Variants in FOXP2 observed in about 807,000 individuals in gnomAD.
FOXP2 encodes the protein forkhead box protein P2.
Under a neutral mutation model 115.8 loss-of-function variants are expected in FOXP2, and 12 were observed. The ratio of observed to expected loss-of-function variants is 0.10; its 90% CI spans 0.07 to 0.17. The LOEUF (loss-of-function observed/expected upper bound fraction) is 0.17. Among genes scored for constraint, FOXP2 ranks in the 10% least tolerant of loss-of-function variants. FOXP2 has a pLI of 1.00. For missense variants in FOXP2, 629 were observed against 843.5 expected (o/e 0.75, Z 3.15); for synonymous variants, 328 against 297.7 (o/e 1.10, Z -1.05).
intron 3 of FOXP2, among the ~76,000 whole-genome samples, chr7:114,581,909 T>C (rs1179100435): frequency 2.0e-5 from 3 of 152,120 alleles, no homozygotes; most frequent in Non-Finnish European, 4.4e-5. Context: ...GGCAAGAGTG[T>C]TTTCAATAGA....
chr7:114,167,414 T>C (rs1053855809), intron 1 of FOXP2, among the ~76,000 whole-genome samples: 4 of 152,192 alleles, frequency 2.6e-5, no homozygotes, highest in Non-Finnish European at 4.4e-5. Flanking sequence ...GCAGATACTA[T>C]GTTTTTTTAC....
At chr7:114,103,348 CTG>C (rs1246769703) in intron 1 of FOXP2, among the ~76,000 whole-genome samples, 1 of 152,030 alleles carries the variant, frequency 6.6e-6, no homozygotes, top group Non-Finnish European at 1.5e-5. Context: ...AGGTTTTCTT[CTG>C]TGTCTTTGGG....
At chr7:114,370,469 G>T (rs1791977431) in intron 2 of FOXP2, among the ~76,000 whole-genome samples, 1 of 152,202 alleles carries the variant, frequency 6.6e-6, no homozygotes, top group African/African-American at 2.4e-5. Flanking sequence ...TTATGTAATT[G>T]ATGTCTGGTG....
intron 16 of FOXP2, among the ~76,000 whole-genome samples, chr7:114,680,949 G>A (rs1472700982): frequency 6.6e-6 from 1 of 152,106 alleles, no homozygotes; most frequent in Non-Finnish European, 1.5e-5. Context: ...TTACTTTACT[G>A]TCTTTAATGA....
chr7:114,520,366 T>A (rs1194172661), intron 2 of FOXP2, among the ~76,000 whole-genome samples: 2 of 152,118 alleles, frequency 1.3e-5, no homozygotes, highest in African/African-American at 4.8e-5. Flanking sequence ...ACCAATGTAG[T>A]TTAGTGATGT....
chr7:114,183,821 C>T (rs567637977), intron 1 of FOXP2, among the ~76,000 whole-genome samples: 1 of 152,018 alleles, frequency 6.6e-6, no homozygotes, highest in Middle Eastern at 3.2e-3. Context: ...TTTACGAAAA[C>T]CCCCCAAAGC....
At chr7:114,328,487 C>T (rs569031873) in intron 2 of FOXP2, among the ~76,000 whole-genome samples, 16 of 152,230 alleles carry the variant, frequency 1.1e-4, no homozygotes, top group Admixed American at 7.9e-4. Flanking sequence ...CCGCCTGCCT[C>T]GGCCTCCCAG....
At chr7:114,568,405 G>T (rs1384598506) in intron 3 of FOXP2, among the ~76,000 whole-genome samples, 1 of 146,374 alleles carries the variant, frequency 6.8e-6, no homozygotes, top group African/African-American at 2.6e-5. Context: ...GAATGAAAAG[G>T]TTCTTCATGG....
intron 2 of FOXP2, among the ~76,000 whole-genome samples, chr7:114,300,328 G>A (rs962397384): frequency 1.3e-5 from 2 of 151,942 alleles, no homozygotes; most frequent in Non-Finnish European, 2.9e-5. Flanking sequence ...ATGCAGGTGC[G>A]AAGCACTATT....
chr7:114,326,429 A>C (rs1458666778), intron 2 of FOXP2, among the ~76,000 whole-genome samples: 1 of 152,172 alleles, frequency 6.6e-6, no homozygotes, highest in African/African-American at 2.4e-5. Flanking sequence ...GGAAGAGTGA[A>C]AATCGTTTGC....
intron 1 of FOXP2, among the ~76,000 whole-genome samples, chr7:114,111,557 C>T (rs372532660): frequency 2.0e-5 from 3 of 152,110 alleles, no homozygotes; most frequent in East Asian, 1.9e-4. Flanking sequence ...TATCCAGCTA[C>T]AGGAACTTTT....
chr7:114,547,041 T>C (rs1584879271), intron 3 of FOXP2, among the ~76,000 whole-genome samples: 1 of 152,210 alleles, frequency 6.6e-6, no homozygotes, highest in Non-Finnish European at 1.5e-5. Context: ...TGTCTGTTTT[T>C]GTAGAAAAAA....
intron 2 of FOXP2, among the ~76,000 whole-genome samples, chr7:114,399,407 C>T (rs982214925): frequency 6.6e-6 from 1 of 152,126 alleles, no homozygotes; most frequent in Non-Finnish European, 1.5e-5. Flanking sequence ...TGCACCCAGC[C>T]TTCACTTATT....
At chr7:114,224,914 A>G (rs1584558345) in intron 1 of FOXP2, among the ~76,000 whole-genome samples, 1 of 152,326 alleles carries the variant, frequency 6.6e-6, no homozygotes, top group East Asian at 1.9e-4. Context: ...AAAGAGATTT[A>G]AAGAAGTGAA....
At chr7:114,434,205 GAA>G (rs1466556410) in intron 2 of FOXP2, among the ~76,000 whole-genome samples, 1 of 151,678 alleles carries the variant, frequency 6.6e-6, no homozygotes, top group East Asian at 1.9e-4. Flanking sequence ...AGCTTTCCAG[GAA>G]ATCAAAATTT....
intron 1 of FOXP2, among the ~76,000 whole-genome samples, chr7:114,164,472 A>C (rs933384156): frequency 2.0e-5 from 3 of 151,534 alleles, no homozygotes; most frequent in Admixed American, 1.3e-4. Context: ...AGAATCCCTG[A>C]GTAGCTGGGA....
At chr7:114,188,482 T>C (rs1793670748) in intron 1 of FOXP2, among the ~76,000 whole-genome samples, 1 of 152,218 alleles carries the variant, frequency 6.6e-6, no homozygotes. Flanking sequence ...GTCTTATCTA[T>C]GAGCTTTTGC....
At chr7:114,559,064 T>C (rs1800614563) in intron 3 of FOXP2, among the ~76,000 whole-genome samples, 2 of 152,098 alleles carry the variant, frequency 1.3e-5, no homozygotes, top group African/African-American at 4.8e-5. Context: ...AACTCTTGAA[T>C]AAAGCAAACA....
intron 3 of FOXP2, among the ~76,000 whole-genome samples, chr7:114,592,305 T>C (rs559092289): frequency 1.3e-5 from 2 of 152,074 alleles, no homozygotes; most frequent in Non-Finnish European, 2.9e-5. Context: ...TACTTTATTA[T>C]TTTGAATTCT....
Sources: allele counts gnomAD v4.1 joint callset (sites outside exome capture counted in the v4.1 genomes callset), GRCh38; gene constraint gnomAD v4.1.1; transcripts MANE v1.5; gene names NCBI Gene and HGNC (gene_info 2026-07-23, HGNC 2026-07-21).